LDLRAD4: variants seen among roughly 807,000 people sequenced by gnomAD.
The protein encoded by LDLRAD4 is low density lipoprotein receptor class A domain containing 4.
Under a neutral mutation model 17.0 loss-of-function variants are expected in LDLRAD4, and 5 were observed. That is an observed-to-expected ratio of 0.29 (90% CI 0.15 to 0.62). The LOEUF is 0.62. Among genes scored for constraint, LDLRAD4 ranks in the 20% least tolerant of loss-of-function variants. The pLI is 0.84. For synonymous variants in LDLRAD4, 168 were observed against 171.8 expected (o/e 0.98, Z 0.17); for missense variants, 340 against 424.7 (o/e 0.80, Z 1.75).
At chr18:13,503,325 T>C (rs2093642259) in intron 3 of LDLRAD4, among the ~76,000 whole-genome samples, 1 of 152,230 alleles carries the variant, frequency 6.6e-6, no homozygotes, top group African/African-American at 2.4e-5. Flanking sequence ...TGAAAATCCT[T>C]TTCTACAGAT....
At chr18:13,591,470 C>T (rs192629196) in intron 3 of LDLRAD4, among the ~76,000 whole-genome samples, 18 of 151,194 alleles carry the variant, frequency 1.2e-4, no homozygotes, top group Admixed American at 1.1e-3. Flanking sequence ...GTGTGTCTGC[C>T]TGTTTATTCT....
intron 3 of LDLRAD4, among the ~76,000 whole-genome samples, chr18:13,511,327 G>A (rs570937940): frequency 5.3e-4 from 80 of 152,084 alleles, no homozygotes; most frequent in Non-Finnish European, 6.0e-4. Flanking sequence ...GAGGTCAGGC[G>A]TTCAAGACCA....
intron 1 of LDLRAD4, among the ~76,000 whole-genome samples, chr18:13,290,590 G>A (rs2045909111): frequency 6.6e-6 from 1 of 151,798 alleles, no homozygotes; most frequent in Non-Finnish European, 1.5e-5. Flanking sequence ...GTTTGTTTTA[G>A]GCATTTTTTG....
intron 1 of LDLRAD4, among the ~76,000 whole-genome samples, chr18:13,233,500 G>C (rs1201912141): frequency 6.6e-6 from 1 of 152,092 alleles, no homozygotes; most frequent in Non-Finnish European, 1.5e-5. Context: ...GTGCTCCTGT[G>C]ACCTGTTTGT....
At chr18:13,612,113 C>T (rs968354314) in intron 3 of LDLRAD4, 1 of 985,534 alleles carries the variant, frequency 1.0e-6, no homozygotes, top group Non-Finnish European at 1.2e-6. Context: ...CAGCAGAGAT[C>T]AAGGGAAGGA....
At chr18:13,551,380 T>G (rs566518081) in intron 3 of LDLRAD4, among the ~76,000 whole-genome samples, 7 of 152,276 alleles carry the variant, frequency 4.6e-5, no homozygotes, top group Admixed American at 3.9e-4. Context: ...GTGCACAGGC[T>G]CATTTGGCCC....
chr18:13,393,620 T>G (rs1008049899), intron 2 of LDLRAD4, among the ~76,000 whole-genome samples: 1 of 152,186 alleles, frequency 6.6e-6, no homozygotes, highest in Non-Finnish European at 1.5e-5. Context: ...AACAGTGTCA[T>G]GAGACCGTCT....
At chr18:13,476,808 C>T (rs1319366807) in intron 3 of LDLRAD4, among the ~76,000 whole-genome samples, 1 of 152,072 alleles carries the variant, frequency 6.6e-6, no homozygotes, top group Admixed American at 6.5e-5. Flanking sequence ...GTGGGACCTG[C>T]TTGGTGCCTG....
exon 6 of LDLRAD4, chr18:13,650,942 A>T (rs2043219851): frequency 6.6e-6 from 1 of 152,298 alleles, no homozygotes; most frequent in Non-Finnish European, 1.5e-5. Context: ...GGAAAGTTGC[A>T]TCTTTGCTGT....
intron 1 of LDLRAD4, among the ~76,000 whole-genome samples, chr18:13,349,040 G>A (rs998619759): frequency 3.3e-5 from 5 of 152,264 alleles, no homozygotes; most frequent in Admixed American, 6.5e-5. Flanking sequence ...GCGATGCCTC[G>A]CCCTGCTTTG....
At chr18:13,588,668 G>T (rs1386897405) in intron 3 of LDLRAD4, among the ~76,000 whole-genome samples, 2 of 152,046 alleles carry the variant, frequency 1.3e-5, no homozygotes, top group African/African-American at 4.8e-5. Context: ...TTTGTACGCA[G>T]CTTCCATTTC....
chr18:13,365,167 G>A (rs1247682699), intron 1 of LDLRAD4, among the ~76,000 whole-genome samples: 2 of 152,234 alleles, frequency 1.3e-5, no homozygotes, highest in Non-Finnish European at 1.5e-5. Flanking sequence ...GAGAGAAGGA[G>A]CAGATGCCTG....
At chr18:13,543,264 T>C (rs2094311842) in intron 3 of LDLRAD4, 1 of 152,210 alleles carries the variant, frequency 6.6e-6, no homozygotes, top group Non-Finnish European at 1.5e-5. Context: ...GGGCTGGAAC[T>C]AGAGGTCTTG....
chr18:13,583,435 G>A (rs750225044), intron 3 of LDLRAD4, among the ~76,000 whole-genome samples: 1 of 151,910 alleles, frequency 6.6e-6, no homozygotes, highest in Non-Finnish European at 1.5e-5. Flanking sequence ...TGGTGGTCAC[G>A]GCACCAACTT....
At chr18:13,541,981 T>G (rs1601233371) in intron 3 of LDLRAD4, among the ~76,000 whole-genome samples, 2 of 151,910 alleles carry the variant, frequency 1.3e-5, no homozygotes, top group Admixed American at 1.3e-4. Flanking sequence ...GAGGCTGGGG[T>G]GGGAGGATCC....
intron 1 of LDLRAD4, among the ~76,000 whole-genome samples, chr18:13,370,582 C>A (rs552959725): frequency 5.3e-5 from 8 of 152,282 alleles, no homozygotes; most frequent in African/African-American, 1.9e-4. Flanking sequence ...GCACCCTTTC[C>A]GTTTCTTGCT....
intron 1 of LDLRAD4, among the ~76,000 whole-genome samples, chr18:13,242,485 CACTT>C (rs2042712974): frequency 6.6e-6 from 1 of 152,164 alleles, no homozygotes; most frequent in Non-Finnish European, 1.5e-5. Context: ...CACTTTCACA[CACTT>C]ACTAATGATA....
At chr18:13,613,639 C>A (rs767370492) in intron 3 of LDLRAD4, 1 of 152,142 alleles carries the variant, frequency 6.6e-6, no homozygotes, top group African/African-American at 2.4e-5. Flanking sequence ...TTCTAAAATG[C>A]GTGGTGAGAA....
chr18:13,611,410 C>A, intron 3 of LDLRAD4: 2 of 978,598 alleles, frequency 2.0e-6, no homozygotes, highest in Non-Finnish European at 2.4e-6. Flanking sequence ...ACGGCCACCC[C>A]GTGATTTTCT....
Sources: allele counts gnomAD v4.1 joint callset (sites outside exome capture counted in the v4.1 genomes callset), GRCh38; gene constraint gnomAD v4.1.1; transcripts MANE v1.5; gene names NCBI Gene and HGNC (gene_info 2026-07-23, HGNC 2026-07-21).